The following RBFOX1 variants were observed in gnomAD, a reference collection of about 807,000 sequenced individuals.
RBFOX1 encodes RNA binding protein fox-1 homolog 1.
Under a neutral mutation model 57.7 loss-of-function variants are expected in RBFOX1, and 8 were observed. The ratio of observed to expected loss-of-function variants is 0.14; its 90% CI spans 0.08 to 0.25. The LOEUF (loss-of-function observed/expected upper bound fraction) is 0.25. RBFOX1 is among the 10% of genes least tolerant of loss of function. The pLI is 1.00. For missense variants in RBFOX1, 611 were observed against 548.5 expected (o/e 1.11, Z -1.14); for synonymous variants, 326 against 222.4 (o/e 1.47, Z -4.15).
At chr16:5,920,243 C>G (rs2058793250) in intron 4 of RBFOX1, among the ~76,000 whole-genome samples, 1 of 152,196 alleles carries the variant, frequency 6.6e-6, no homozygotes, top group Non-Finnish European at 1.5e-5. Flanking sequence ...CATATTAGTA[C>G]TTCCTTTCTG....
chr16:7,310,727 C>T (rs940972146), intron 4 of RBFOX1, among the ~76,000 whole-genome samples: 1 of 152,176 alleles, frequency 6.6e-6, no homozygotes, highest in African/African-American at 2.4e-5. Context: ...TGAATCACAC[C>T]TGTGATCACA....
intron 4 of RBFOX1, among the ~76,000 whole-genome samples, chr16:5,933,009 G>A (rs1328956749): frequency 2.0e-5 from 3 of 152,202 alleles, no homozygotes; most frequent in African/African-American, 7.2e-5. Context: ...CTTAGCTGTG[G>A]TTTAATAAAA....
chr16:6,057,798 T>C (rs1444428876), intron 1 of RBFOX1, among the ~76,000 whole-genome samples: 1 of 149,578 alleles, frequency 6.7e-6, no homozygotes, highest in African/African-American at 2.5e-5. Context: ...CCTGGCACTG[T>C]TGAAATTTTA....
chr16:6,776,054 G>A (rs2079278974), intron 3 of RBFOX1: 1 of 152,124 alleles, frequency 6.6e-6, no homozygotes, highest in Non-Finnish European at 1.5e-5. Context: ...TGGATCATAT[G>A]TTTTTAAACA....
chr16:6,767,534 C>A lies in RBFOX1; in HGVS notation c.-16+112884C>A, dbSNP rs569605262. ...AGTGTTTTAATTTAAAACCTCACCC[C>A]CAAAAAAATTCTGATGAATACAATA... On this transcript the variant is annotated intron_variant, in intron 3 of 15. Coordinates refer to ENST00000550418, the MANE Select transcript of RBFOX1 (RefSeq NM_018723.4). Among the ~76,000 whole-genome samples the A allele has an allele frequency of 6.4e-4, 98 of 152,124 alleles. 1 individual carries two copies. The highest frequency in any genetic ancestry group is 1.0e-4 in the Non-Finnish European group (7 of 67,994).
At chr16:6,981,230 A>G (rs1010886995) in intron 3 of RBFOX1, among the ~76,000 whole-genome samples, 6 of 151,816 alleles carry the variant, frequency 4.0e-5, no homozygotes, top group Non-Finnish European at 7.4e-5. Context: ...TATTAAGCCT[A>G]GTACTCATTC....
intron 3 of RBFOX1, among the ~76,000 whole-genome samples, chr16:7,046,968 TC>T (rs1055241173): frequency 6.0e-5 from 9 of 149,794 alleles, no homozygotes; most frequent in African/African-American, 2.2e-4. Flanking sequence ...TGCACTTCCC[TC>T]CCCCCCAGTT....
chr16:6,933,513 G>C (rs147782456), intron 3 of RBFOX1, among the ~76,000 whole-genome samples: 1 of 152,332 alleles, frequency 6.6e-6, no homozygotes, highest in Non-Finnish European at 1.5e-5. Context: ...AGGAGTTCCA[G>C]ACCAGCCTGA....
intron 3 of RBFOX1, among the ~76,000 whole-genome samples, chr16:6,998,426 A>G (rs2092454948): frequency 6.6e-6 from 1 of 152,188 alleles, no homozygotes; most frequent in African/African-American, 2.4e-5. Flanking sequence ...AGTGAGACAC[A>G]GAATGGTTTG....
At chr16:6,785,221 G>T (rs913544541) in intron 3 of RBFOX1, among the ~76,000 whole-genome samples, 1 of 151,970 alleles carries the variant, frequency 6.6e-6, no homozygotes, top group Non-Finnish European at 1.5e-5. Flanking sequence ...GAATTTGAGG[G>T]AATCTCCCAG....
At chr16:7,400,288 C>T (rs770028396) in intron 4 of RBFOX1, among the ~76,000 whole-genome samples, 1 of 152,118 alleles carries the variant, frequency 6.6e-6, no homozygotes, top group African/African-American at 2.4e-5. Flanking sequence ...AGGGGAGGGG[C>T]AAGGATAGGC....
intron 4 of RBFOX1, among the ~76,000 whole-genome samples, chr16:7,412,631 A>G (rs995598223): frequency 6.6e-6 from 1 of 152,240 alleles, no homozygotes; most frequent in Admixed American, 6.5e-5. Context: ...AATACAAAGC[A>G]TTCTATCTTA....
chr16:7,645,326 G>C (rs574027386), intron 11 of RBFOX1, among the ~76,000 whole-genome samples: 7 of 152,128 alleles, frequency 4.6e-5, no homozygotes, highest in South Asian at 2.1e-4. Context: ...CAATTTCCTC[G>C]TGCCATGTCA....
intron 1 of RBFOX1, among the ~76,000 whole-genome samples, chr16:5,457,349 G>T (rs1567540111): frequency 6.6e-6 from 1 of 152,164 alleles, no homozygotes; most frequent in African/African-American, 2.4e-5. Context: ...TGGCCAGGCT[G>T]GTCTCGAACT....
intron 1 of RBFOX1, among the ~76,000 whole-genome samples, chr16:5,458,678 G>A (rs188692477): frequency 6.6e-6 from 1 of 152,168 alleles, no homozygotes; most frequent in Admixed American, 6.5e-5. Flanking sequence ...ATCCAAATAG[G>A]CAACTGGGTT....
intron 1 of RBFOX1, among the ~76,000 whole-genome samples, chr16:5,432,389 C>T (rs909877059): frequency 2.0e-5 from 3 of 152,216 alleles, no homozygotes; most frequent in Non-Finnish European, 4.4e-5. Flanking sequence ...CGTGCCTCCG[C>T]CGGCCCCTGT....
intron 2 of RBFOX1, among the ~76,000 whole-genome samples, chr16:6,560,432 T>G (rs981197806): frequency 1.4e-4 from 22 of 152,170 alleles, no homozygotes; most frequent in Non-Finnish European, 2.4e-4. Flanking sequence ...TAAAGCCAGC[T>G]GCATGGATTT....
At chr16:6,122,815 T>TGTGTGA (rs1597507073) in intron 1 of RBFOX1, among the ~76,000 whole-genome samples, 2 of 151,900 alleles carry the variant, frequency 1.3e-5, no homozygotes, top group East Asian at 3.9e-4. Context: ...TGTGTGTGTG[T>TGTGTGA]GTGTGTGTGT....
chr16:6,776,497 A>C (rs969147123), intron 3 of RBFOX1, among the ~76,000 whole-genome samples: 2 of 152,210 alleles, frequency 1.3e-5, no homozygotes, highest in African/African-American at 4.8e-5. Context: ...AAGTGCATAC[A>C]ATTAAAACAC....
Sources: gnomAD v4.1 joint callset for allele counts (sites outside exome capture counted in the v4.1 genomes callset) on GRCh38, gnomAD v4.1.1 for gene constraint, MANE v1.5 for transcripts, NCBI Gene and HGNC (gene_info 2026-07-23, HGNC 2026-07-21) for gene names.